Variants in PCDHGA3 observed in about 807,000 individuals in gnomAD.
PCDHGA3 encodes the protein protocadherin gamma subfamily A, 3.
In PCDHGA3, 40 loss-of-function variants were observed where a neutral mutation model predicts 58.5. The ratio of observed to expected loss-of-function variants is 0.68; its 90% CI spans 0.53 to 0.89. PCDHGA3 has a LOEUF of 0.89. PCDHGA3 is among the 40% of genes least tolerant of loss of function. The pLI is 0.00. For missense variants in PCDHGA3, 1,223 were observed against 1,195.9 expected, an observed-to-expected ratio of 1.02 and a Z score of -0.33; for synonymous variants, 530 against 525.7, an observed-to-expected ratio of 1.01 and a Z score of -0.11.
intron 1 of PCDHGA3, chr5:141,375,579 C>A: frequency 6.2e-7 from 1 of 1,614,114 alleles, no homozygotes; most frequent in Non-Finnish European, 8.5e-7. Flanking sequence ...CTCCAGGGGG[C>A]GCCCCTGTCC....
intron 1 of PCDHGA3, among the ~76,000 whole-genome samples, chr5:141,467,039 A>G (rs1467529268): frequency 2.6e-5 from 4 of 150,960 alleles, no homozygotes; most frequent in Non-Finnish European, 5.9e-5. Context: ...TTTTTTGTGT[A>G]ATGAATCAAT....
rs1254680765 is a variant in PCDHGA3 at position 141,491,399 on chromosome 5, A to G, written c.2425-3408A>G. ...CTGTCAGCGAAGTGCCTTCAGGGAA[A>G]CGCAGACGGGGACGGGGGTGGAGGG... On this transcript the variant is annotated intron_variant, in intron 1 of 3. Transcript: ENST00000253812. This position sits in a 1 kb window ranked among gnomAD's most constrained non-coding sequence, Gnocchi z 6.9. 3 of 1,613,998 alleles carry G rather than the reference A, an allele frequency of 1.9e-6. No homozygotes were observed. Among genetic ancestry groups the G allele is most frequent in the Non-Finnish European group, 2.5e-6 (3 of 1,180,028 alleles).
chr5:141,365,838 C>A, intron 1 of PCDHGA3: 1 of 1,613,976 alleles, frequency 6.2e-7, no homozygotes, highest in Non-Finnish European at 8.5e-7. Flanking sequence ...CCCTTGTCCT[C>A]CTATGTATCC....
At chr5:141,351,753 T>C (rs1489735945) in intron 1 of PCDHGA3, 1 of 1,613,482 alleles carries the variant, frequency 6.2e-7, no homozygotes. Flanking sequence ...CGGGAGCTGT[T>C]GTCCTACGTG....
At chr5:141,365,666 A>T in intron 1 of PCDHGA3, 4 of 1,613,398 alleles carry the variant, frequency 2.5e-6, no homozygotes, top group Non-Finnish European at 3.4e-6. Flanking sequence ...AGCAGACGTT[A>T]ATGACAACCC....
intron 2 of PCDHGA3, among the ~76,000 whole-genome samples, chr5:141,498,872 G>T (rs912789877): frequency 1.4e-4 from 21 of 151,650 alleles, no homozygotes; most frequent in Non-Finnish European, 2.9e-4. Flanking sequence ...GGCGGAGGTT[G>T]CAGTGAGCTG....
chr5:141,430,926 C>A (rs145535410), intron 1 of PCDHGA3: 4 of 1,607,308 alleles, frequency 2.5e-6, no homozygotes, highest in African/African-American at 1.3e-5. Context: ...GGGCTGGAGC[C>A]CCGGGAGCTC....
At chr5:141,347,353 CTA>C (rs1243645400) in intron 1 of PCDHGA3, among the ~76,000 whole-genome samples, 3 of 152,030 alleles carry the variant, frequency 2.0e-5, no homozygotes, top group South Asian at 4.2e-4. Flanking sequence ...GGGGCAATTG[CTA>C]TGTTTCCCAG....
intron 1 of PCDHGA3, chr5:141,383,994 C>T: frequency 6.2e-7 from 1 of 1,613,758 alleles, no homozygotes. Flanking sequence ...TTGGGACAGT[C>T]ATTGCTCTTT....
intron 1 of PCDHGA3, chr5:141,366,144 C>T (rs925056179): frequency 1.9e-6 from 3 of 1,614,182 alleles, no homozygotes; most frequent in Non-Finnish European, 2.5e-6. Flanking sequence ...GCCTGGCTGT[C>T]CTACCGCCTG....
intron 1 of PCDHGA3, chr5:141,398,338 G>A (rs1261830149): frequency 4.4e-6 from 6 of 1,375,730 alleles, no homozygotes; most frequent in Non-Finnish European, 6.0e-6. Context: ...CGTCAGTTCG[G>A]AGAAGCCTTA....
rs758463890 is a variant in PCDHGA3 at position 141,394,966 on chromosome 5, G to A, written c.2424+48509G>A. On this transcript the variant is annotated intron_variant, in intron 1 of 3. Coordinates refer to ENST00000253812, the MANE Select transcript of PCDHGA3 (RefSeq NM_018916.4). ...GTGCTTCTGGGGCTCAGGCTGAGGCGCTGGCACAAGTCACGCCTGCTCCAG... is the reference window on the plus strand; with the variant it reads ...GTGCTTCTGGGGCTCAGGCTGAGGCACTGGCACAAGTCACGCCTGCTCCAG... 11 of 1,613,768 alleles carry A rather than the reference G, an allele frequency of 6.8e-6. No homozygotes were observed. In the African/African-American group the frequency reaches 9.3e-5, roughly 14 times the overall value.
In PCDHGA3 at chr5:141,344,105, C is replaced by T. The variant is rs199763392; in HGVS notation, c.72C>T (p.Cys24=). The change falls in exon 1 of 4, where the codon TGC becomes TGT. Residue 24 remains cysteine, a synonymous_variant. Transcript: ENST00000253812. ...TGTGCGCGCTCCTGGGGACGCTGTG[C>T]GAAACAGGATCCGGTCAGATCCGCT... ...ALLCALLGTL[C]ETGSGQIRYS... 1 of 1,613,834 alleles carries T rather than the reference C, an allele frequency of 6.2e-7. No homozygotes were observed. Among genetic ancestry groups the T allele is most frequent in the South Asian group, 1.1e-5 (1 of 91,072 alleles).
At chr5:141,394,064 C>G in intron 1 of PCDHGA3, 7 of 1,613,776 alleles carry the variant, frequency 4.3e-6, no homozygotes, top group Non-Finnish European at 5.9e-6. Flanking sequence ...ATGTCTCTAT[C>G]TACAATATCA....
chr5:141,371,850 C>T (rs1366445794), intron 1 of PCDHGA3: 5 of 1,613,540 alleles, frequency 3.1e-6, no homozygotes, highest in Admixed American at 1.7e-5. Context: ...ACCTAATGGC[C>T]TTGTCTCCTA....
chr5:141,397,846 A>G (rs1032127108), intron 1 of PCDHGA3: 3 of 528,344 alleles, frequency 5.7e-6, no homozygotes, highest in Non-Finnish European at 9.9e-6. Flanking sequence ...GAAGCCGCAG[A>G]GGCTGTAGTT....
At chr5:141,373,589 G>A (rs1769704620) in intron 1 of PCDHGA3, among the ~76,000 whole-genome samples, 2 of 152,242 alleles carry the variant, frequency 1.3e-5, no homozygotes, top group African/African-American at 2.4e-5. Flanking sequence ...GTGGTGAAAT[G>A]TGATGATAAT....
intron 2 of PCDHGA3, among the ~76,000 whole-genome samples, chr5:141,500,176 A>G (rs922155744): frequency 1.4e-5 from 2 of 145,916 alleles, no homozygotes; most frequent in Admixed American, 1.4e-4. Flanking sequence ...CATGAGCTTC[A>G]TTTTTATTTT....
chr5:141,433,906 A>G (rs1218318743), intron 1 of PCDHGA3, among the ~76,000 whole-genome samples: 1 of 151,412 alleles, frequency 6.6e-6, no homozygotes, highest in Non-Finnish European at 1.5e-5. Flanking sequence ...ATCACTTATT[A>G]CAATCACCTC....
Sources: allele counts gnomAD v4.1 joint callset (sites outside exome capture counted in the v4.1 genomes callset), GRCh38; gene constraint gnomAD v4.1.1; non-coding constraint Gnocchi (gnomAD v3.1); transcripts MANE v1.5; gene names NCBI Gene and HGNC (gene_info 2026-07-23, HGNC 2026-07-21).